CTNND1: variants seen among roughly 807,000 people sequenced by gnomAD.
CTNND1 encodes the protein catenin delta-1.
In CTNND1, 16 loss-of-function variants were observed where a neutral mutation model predicts 112.1. The ratio of observed to expected loss-of-function variants is 0.14; its 90% CI spans 0.10 to 0.22. CTNND1 has a LOEUF of 0.22. Ranked by LOEUF, CTNND1 falls within the 10% of genes least tolerant of loss-of-function variation. The probability of loss-of-function intolerance (pLI) is 1.00; values close to 1 mark genes in which losing one functional copy is unlikely to be tolerated. For missense variants in CTNND1, 1,008 were observed against 1,257.0 expected (o/e 0.80, Z 3.00); for synonymous variants, 420 against 446.5 (o/e 0.94, Z 0.75).
At chr11:57,798,134 G>A (rs780744026) in intron 6 of CTNND1, among the ~76,000 whole-genome samples, 7 of 151,996 alleles carry the variant, frequency 4.6e-5, no homozygotes, top group Admixed American at 2.6e-4. Flanking sequence ...GGATCACGAG[G>A]TCAGGAGATC....
intron 15 of CTNND1, 61 bp from the exon 16 acceptor site, chr11:57,810,048 G>T (rs2063150799): frequency 1.6e-6 from 2 of 1,287,078 alleles, no homozygotes; most frequent in Admixed American, 2.1e-5. Flanking sequence ...GAGGATATAG[G>T]GTCTAAGCTT....
chr11:57,816,258 A>C, intron 20 of CTNND1, 39 bp from the exon 21 acceptor site: 1 of 1,613,236 alleles, frequency 6.2e-7, no homozygotes, highest in Non-Finnish European at 8.5e-7. Flanking sequence ...CTTAATCCCA[A>C]CCCCATTAAC....
intron 7 of CTNND1, 93 bp from the exon 8 acceptor site, chr11:57,803,528 T>C: frequency 2.1e-6 from 2 of 967,314 alleles, no homozygotes; most frequent in Non-Finnish European, 3.0e-6. Flanking sequence ...TGGGGAAGAC[T>C]GAGAAGTGAT....
rs1484440945 is a variant in CTNND1, at chr11:57,796,567, T to A, written c.531T>A (p.Thr177=). The part of the protein sequence containing the change: ...ASSVSNNYIQ[T]LGRDFRKNGN... ...CAGTTTCTAACAACTATATCCAGACTTTGGGTCGTGATTTCCGCAAGAATG... is the reference window on the plus strand; with the variant it reads ...CAGTTTCTAACAACTATATCCAGACATTGGGTCGTGATTTCCGCAAGAATG... The change falls in exon 6 of 21, where the codon ACT becomes ACA. Residue 177 remains threonine, a synonymous_variant. Coordinates refer to ENST00000399050, the MANE Select transcript of CTNND1 (RefSeq NM_001085458.2). The A allele has an allele frequency of 6.2e-7, 1 of 1,613,936 alleles. No individual in the cohort carries two copies. Among genetic ancestry groups the A allele is most frequent in the Admixed American group, 1.7e-5 (1 of 60,018 alleles).
Position 57,815,926 on chromosome 11 carries a change from G to A in CTNND1, c.2820G>A (p.Gly940=), listed in dbSNP as rs369099380. ...GCATGTGTTCACAGCAGGACGAGGG[G>A]CAGGAATCTCTGGAGGAAGAGTTGG... ...KGTTPLMQDE[G]QESLEEELDV... is the part of the protein sequence containing the mutation. The change falls in exon 20 of 21, where the codon GGG becomes GGA. Residue 940 remains glycine, a synonymous_variant. Coordinates refer to ENST00000399050, the MANE Select transcript of CTNND1 (RefSeq NM_001085458.2). 1.2e-5 allele frequency: 19 copies of A among 1,608,128 alleles called. No individual in the cohort carries two copies. The African/African-American group carries it at 2.1e-4, about 18-fold the overall frequency.
intron 12 of CTNND1, 23 bp downstream of exon 12, chr11:57,807,006 A>T: frequency 6.4e-7 from 1 of 1,557,544 alleles, no homozygotes; most frequent in Non-Finnish European, 8.8e-7. Context: ...CTCAGTCTCC[A>T]AAGGTCTCAT....
intron 1 of CTNND1, among the ~76,000 whole-genome samples, chr11:57,771,270 G>T (rs114512976): frequency 1.3e-5 from 2 of 152,118 alleles, no homozygotes; most frequent in African/African-American, 4.8e-5. Context: ...CCTACTGTTT[G>T]TTCTCAAAGA....
At chr11:57,786,174 C>T (rs1010435760) in intron 1 of CTNND1, among the ~76,000 whole-genome samples, 12 of 143,414 alleles carry the variant, frequency 8.4e-5, no homozygotes, top group Admixed American at 7.6e-5. Flanking sequence ...AACCCCCTGA[C>T]TTCAGGAATT....
chr11:57,796,388 A>G, intron 5 of CTNND1, 69 bp from the exon 6 acceptor site: 1 of 1,136,196 alleles, frequency 8.8e-7, no homozygotes, highest in East Asian at 3.1e-5. Flanking sequence ...CTCCATCTCA[A>G]AAAAAAAAAA....
chr11:57,772,387 G>A (rs1364929520), intron 1 of CTNND1, among the ~76,000 whole-genome samples: 1 of 152,140 alleles, frequency 6.6e-6, no homozygotes, highest in Non-Finnish European at 1.5e-5. Context: ...TGACCAAATA[G>A]GCTTGCCCCA....
At chr11:57,776,830 A>T (rs948510521) in intron 1 of CTNND1, among the ~76,000 whole-genome samples, 1 of 152,168 alleles carries the variant, frequency 6.6e-6, no homozygotes, top group African/African-American at 2.4e-5. Context: ...CTTGCCAAGC[A>T]TCCTTTTGGA....
intron 16 of CTNND1, among the ~76,000 whole-genome samples, chr11:57,810,639 T>C (rs1405508355): frequency 1.3e-5 from 2 of 151,920 alleles, no homozygotes; most frequent in East Asian, 3.9e-4. Flanking sequence ...GTTAAATCTA[T>C]TTTTGACCCA....
intron 4 of CTNND1, 97 bp downstream of exon 4, chr11:57,794,178 A>G (rs1242433746): frequency 3.9e-6 from 4 of 1,021,882 alleles, no homozygotes; most frequent in East Asian, 2.4e-5. Context: ...TGCCTGGCAC[A>G]TTGTACATAC....
At chr11:57,807,682 A>G (rs1000766817) in intron 12 of CTNND1, among the ~76,000 whole-genome samples, 1 of 151,816 alleles carries the variant, frequency 6.6e-6, no homozygotes, top group Admixed American at 6.6e-5. Flanking sequence ...CTTTATATTC[A>G]TCAATACAGT....
chr11:57,775,231 C>T (rs1953867530), intron 1 of CTNND1, among the ~76,000 whole-genome samples: 1 of 151,298 alleles, frequency 6.6e-6, no homozygotes. Context: ...GAGCCAGGCA[C>T]GGTGGCCTGT....
intron 8 of CTNND1, among the ~76,000 whole-genome samples, chr11:57,804,395 A>G (rs1405091883): frequency 2.0e-5 from 3 of 152,166 alleles, no homozygotes; most frequent in Non-Finnish European, 2.9e-5. Context: ...CTACATATGT[A>G]TTATATACTT....
intron 1 of CTNND1, among the ~76,000 whole-genome samples, chr11:57,775,545 G>A (rs548908440): frequency 6.6e-6 from 1 of 152,262 alleles, no homozygotes; most frequent in South Asian, 2.1e-4. Context: ...CCTATTGGGA[G>A]GAAGGGAAAA....
Position 57,795,686 on chromosome 11 carries a change from T to C in CTNND1, c.377T>C (p.Val126Ala), listed in dbSNP as rs922956469. The change falls in exon 5 of 21, where the codon GTG (valine) becomes GCG (alanine). Residue 126 changes from valine (V) to alanine (A), a missense_variant. Physicochemically the swap from Val to Ala is moderately conservative, Grantham distance 64. This residue lies in a region of CTNND1 where 404 missense variants were observed against 457.9 expected (regional missense o/e 0.88). Transcript: ENST00000399050. ...DPEGAMSVVSVETSDDGTTRR... is the reference protein window; with the variant it reads ...DPEGAMSVVSAETSDDGTTRR... ...GAGGGAGCCATGTCTGTAGTCTCTG[T>C]GGAGACCTCAGATGATGGGACCACT... 3.6e-5 allele frequency: 58 copies of C among 1,608,884 alleles called. No individual in the cohort carries two copies. The highest frequency in any genetic ancestry group is 2.0e-4 in the Admixed American group (12 of 58,960).
At chr11:57,806,827 CT>C in intron 11 of CTNND1, 87 bp from the exon 12 acceptor site, 5 of 1,164,264 alleles carry the variant, frequency 4.3e-6, no homozygotes, top group Non-Finnish European at 5.0e-6. Flanking sequence ...TCAAAAGGTT[CT>C]GACTGAAGGA....
Sources: gnomAD v4.1 joint callset for allele counts (sites outside exome capture counted in the v4.1 genomes callset) on GRCh38, gnomAD v4.1.1 for gene constraint, gnomAD v4.1.1 regional missense constraint, MANE v1.5 for transcripts, NCBI Gene and HGNC (gene_info 2026-07-23, HGNC 2026-07-21) for gene names.